SGSM1: variants seen among roughly 807,000 people sequenced by gnomAD.
SGSM1 encodes the protein small G protein signaling modulator 1, also known as RUN and TBC1 domain containing 2.
A neutral mutation model predicts 133.8 loss-of-function variants in SGSM1; 73 were observed. That is an observed-to-expected ratio of 0.55 (90% CI 0.45 to 0.66). The LOEUF (loss-of-function observed/expected upper bound fraction) is 0.66. Ranked by LOEUF, SGSM1 falls within the 30% of genes least tolerant of loss-of-function variation. SGSM1 has a pLI of 0.00. For synonymous variants in SGSM1, 563 were observed against 573.0 expected, an observed-to-expected ratio of 0.98 and a Z score of 0.25; for missense variants, 1,213 against 1,448.1, an observed-to-expected ratio of 0.84 and a Z score of 2.64.
chr22:24,897,982 C>A lies in SGSM1; in HGVS notation c.2033C>A (p.Ser678Tyr). The A allele has an allele frequency of 1.3e-6, 2 of 1,598,006 alleles. No individual in the cohort carries two copies. Among genetic ancestry groups the A allele is most frequent in the South Asian group, 2.3e-5 (2 of 88,498 alleles). Reference sequence around the variant, plus strand: ...GCACCTTGTCCTCAGGTGTTTGAGTCTGTGGATGAGGTGGAGCAGGTGGAG... The same window carrying A: ...GCACCTTGTCCTCAGGTGTTTGAGTATGTGGATGAGGTGGAGCAGGTGGAG... ...DSSSSTQVFE[S>Y]VDEVEQVEAE... is the part of the protein sequence containing the mutation. The change falls in exon 19 of 25, where the codon TCT (serine) becomes TAT (tyrosine). Residue 678 changes from serine (S) to tyrosine (Y), a missense_variant. Coordinates refer to ENST00000400358, the MANE Select transcript of SGSM1 (RefSeq NM_001098497.3).
chr22:24,845,018 C>T, intron 3 of SGSM1, 46 bp downstream of exon 3: 1 of 1,591,206 alleles, frequency 6.3e-7, no homozygotes, highest in Non-Finnish European at 8.6e-7. Flanking sequence ...TGTGGGCTGC[C>T]TCGGGGAAGT....
intron 22 of SGSM1, among the ~76,000 whole-genome samples, chr22:24,913,445 G>A (rs1179230570): frequency 1.3e-5 from 2 of 152,120 alleles, no homozygotes; most frequent in South Asian, 4.1e-4. Context: ...GAGAAGTATT[G>A]TAATAAATGC....
chr22:24,850,209 C>G, intron 4 of SGSM1, 71 bp from the exon 5 acceptor site: 1 of 1,413,094 alleles, frequency 7.1e-7, no homozygotes, highest in Non-Finnish European at 9.6e-7. Context: ...GAACATTCTC[C>G]CATTTGCCAA....
chr22:24,868,667 C>A, intron 11 of SGSM1, 56 bp from the exon 12 acceptor site: 1 of 1,609,136 alleles, frequency 6.2e-7, no homozygotes, highest in Non-Finnish European at 8.5e-7. Context: ...TCAGACTAAG[C>A]AAGTTGTGGG....
intron 2 of SGSM1, among the ~76,000 whole-genome samples, chr22:24,837,585 C>T (rs1181058021): frequency 3.4e-5 from 2 of 58,604 alleles, no homozygotes; most frequent in Admixed American, 1.3e-4. Flanking sequence ...GAGACCCCCC[C>T]CCCCCCTTTC....
chr22:24,870,379 C>T (rs114556541), intron 12 of SGSM1, among the ~76,000 whole-genome samples: 2 of 152,234 alleles, frequency 1.3e-5, no homozygotes, highest in Admixed American at 6.5e-5. Context: ...GAGTTCTACT[C>T]GAGAGCCAGT....
intron 3 of SGSM1, among the ~76,000 whole-genome samples, chr22:24,845,219 G>A (rs75536809): frequency 2.0e-5 from 3 of 152,218 alleles, no homozygotes; most frequent in South Asian, 2.1e-4. Context: ...CATTCACACC[G>A]ACCACACCCC....
intron 16 of SGSM1, among the ~76,000 whole-genome samples, chr22:24,887,107 T>TTGTGTGTGTGTGTGTGTGTGTG (rs60431385): frequency 5.0e-4 from 73 of 145,312 alleles, no homozygotes; most frequent in East Asian, 4.7e-3. Context: ...TTGTACTTAT[T>TTGTGTGTGTGTGTGTGTGTGTG]TGTGTGTGTG....
chr22:24,903,514 T>C (rs1029823989), intron 20 of SGSM1, among the ~76,000 whole-genome samples: 2 of 152,164 alleles, frequency 1.3e-5, no homozygotes, highest in Non-Finnish European at 1.5e-5. Context: ...AGCCTGAATG[T>C]ACATATTTTT....
chr22:24,809,633 A>C (rs560489863), intron 2 of SGSM1, among the ~76,000 whole-genome samples: 10 of 152,268 alleles, frequency 6.6e-5, no homozygotes, highest in African/African-American at 2.2e-4. Context: ...TTCCAACCCC[A>C]GATGTGTTTA....
intron 20 of SGSM1, among the ~76,000 whole-genome samples, chr22:24,903,572 G>GA (rs915835294): frequency 2.0e-5 from 3 of 152,110 alleles, no homozygotes; most frequent in Non-Finnish European, 4.4e-5. Flanking sequence ...ACATTAAAAT[G>GA]AAAAAAATGC....
At chr22:24,855,518 C>T (rs769675884) in intron 7 of SGSM1, 31 bp from the exon 8 acceptor site, 2 of 1,613,616 alleles carry the variant, frequency 1.2e-6, no homozygotes, top group South Asian at 1.1e-5. Flanking sequence ...CCCCAGGCCT[C>T]ATCCCTCTGT....
At chr22:24,891,223 G>A (rs1464490596) in intron 16 of SGSM1, among the ~76,000 whole-genome samples, 2 of 152,214 alleles carry the variant, frequency 1.3e-5, no homozygotes, top group Non-Finnish European at 2.9e-5. Context: ...AGCTGGGCAT[G>A]GTAGCGTGTG....
chr22:24,876,885 TAGTC>T (rs1441040147), intron 13 of SGSM1, among the ~76,000 whole-genome samples, 170 bp downstream of exon 13: 1 of 152,200 alleles, frequency 6.6e-6, no homozygotes, highest in African/African-American at 2.4e-5. Flanking sequence ...TTACATGTAA[TAGTC>T]AGGATAAACA....
At chr22:24,879,757 G>T (rs563412081) in intron 14 of SGSM1, among the ~76,000 whole-genome samples, 1 of 152,300 alleles carries the variant, frequency 6.6e-6, no homozygotes, top group South Asian at 2.1e-4. Flanking sequence ...GGACAGTGGG[G>T]TCCCCTGGGG....
intron 2 of SGSM1, among the ~76,000 whole-genome samples, chr22:24,838,731 G>GTT (rs369202471): frequency 6.7e-6 from 1 of 150,178 alleles, no homozygotes; most frequent in African/African-American, 2.4e-5. Flanking sequence ...CTAAATGTGT[G>GTT]TTTTTTTTTA....
At chr22:24,891,641 CTGGGG>C (rs1932815712) in intron 16 of SGSM1, among the ~76,000 whole-genome samples, 2 of 152,102 alleles carry the variant, frequency 1.3e-5, no homozygotes, top group Non-Finnish European at 2.9e-5. Flanking sequence ...GTATTCAGAG[CTGGGG>C]ATGCAGAAGC....
intron 13 of SGSM1, 24 bp downstream of exon 13, chr22:24,876,739 T>A (rs368997397): frequency 5.0e-6 from 8 of 1,613,592 alleles, no homozygotes; most frequent in African/African-American, 4.0e-5. Flanking sequence ...GAGCTGCAGA[T>A]GGAGAGAGCT....
At chr22:24,840,842 TTTTTG>T (rs1010805914) in intron 2 of SGSM1, among the ~76,000 whole-genome samples, 1 of 152,030 alleles carries the variant, frequency 6.6e-6, no homozygotes, top group African/African-American at 2.4e-5. Context: ...CCATGTTGTG[TTTTTG>T]TTTTGTTTTG....
Sources: gnomAD v4.1 joint callset for allele counts (sites outside exome capture counted in the v4.1 genomes callset) on GRCh38, gnomAD v4.1.1 for gene constraint, MANE v1.5 for transcripts, NCBI Gene and HGNC (gene_info 2026-07-23, HGNC 2026-07-21) for gene names.